The following SULF1 variants were observed in gnomAD, a reference collection of about 807,000 sequenced individuals.
SULF1 encodes sulfatase 1.
A neutral mutation model predicts 110.5 loss-of-function variants in SULF1; 46 were observed. The ratio of observed to expected loss-of-function variants is 0.42; its 90% CI spans 0.33 to 0.53. SULF1 has a LOEUF of 0.53. SULF1 is among the 20% of genes least tolerant of loss of function. The pLI, the probability that SULF1 is intolerant of heterozygous loss-of-function variation, is 0.12. For missense variants in SULF1, 941 were observed against 1,094.2 expected, an observed-to-expected ratio of 0.86 and a Z score of 1.98; for synonymous variants, 371 against 387.1, an observed-to-expected ratio of 0.96 and a Z score of 0.49.
chr8:69,623,894 T>G, intron 14 of SULF1, 48 bp from the exon 15 acceptor site: 1 of 1,569,514 alleles, frequency 6.4e-7, no homozygotes, highest in East Asian at 2.2e-5. Flanking sequence ...TCTTCCCTTG[T>G]AAGCTACATC....
intron 8 of SULF1, among the ~76,000 whole-genome samples, chr8:69,592,594 G>T (rs1265279492): frequency 6.6e-6 from 1 of 152,158 alleles, no homozygotes; most frequent in Admixed American, 6.5e-5. Context: ...TGTCTCATCT[G>T]TAAAATGGAG....
intron 5 of SULF1, among the ~76,000 whole-genome samples, chr8:69,566,345 T>G (rs950347063): frequency 5.3e-5 from 8 of 152,344 alleles, no homozygotes; most frequent in Middle Eastern, 6.8e-3. Flanking sequence ...CATAACTTTC[T>G]TTTTTAACAG....
chr8:69,516,978 C>G (rs1305531920), intron 3 of SULF1, among the ~76,000 whole-genome samples: 2 of 152,166 alleles, frequency 1.3e-5, no homozygotes, highest in Non-Finnish European at 2.9e-5. Context: ...CTGTGCTTAT[C>G]TCTCCTTTAC....
intron 3 of SULF1, among the ~76,000 whole-genome samples, chr8:69,519,234 A>G (rs1377741827): frequency 1.3e-5 from 2 of 152,122 alleles, no homozygotes; most frequent in African/African-American, 4.8e-5. Context: ...AGGCAGTGAG[A>G]CCCTTCAAGG....
At chr8:69,640,978 C>A in intron 22 of SULF1, 137 bp downstream of exon 22, 1 of 664,564 alleles carries the variant, frequency 1.5e-6, no homozygotes, top group Non-Finnish European at 2.4e-6. Flanking sequence ...ACAGCATTCT[C>A]CACTATGTTT....
At chr8:69,611,423 T>C (rs912043679) in intron 13 of SULF1, among the ~76,000 whole-genome samples, 2 of 152,174 alleles carry the variant, frequency 1.3e-5, no homozygotes, top group Admixed American at 6.5e-5. Context: ...TTTTCTGTTT[T>C]CCGTCCCCCT....
chr8:69,602,724 A>G (rs1396189524), intron 10 of SULF1, among the ~76,000 whole-genome samples: 2 of 152,218 alleles, frequency 1.3e-5, no homozygotes, highest in Non-Finnish European at 2.9e-5. Flanking sequence ...GCTTCCTAAG[A>G]TTATTAGAAA....
chr8:69,482,574 CTGTT>C (rs1033979945), intron 1 of SULF1, among the ~76,000 whole-genome samples: 6 of 151,618 alleles, frequency 4.0e-5, no homozygotes, highest in Non-Finnish European at 8.8e-5. Flanking sequence ...TATAAAATCT[CTGTT>C]TGTATATATA....
At chr8:69,640,881 C>G in intron 22 of SULF1, 40 bp downstream of exon 22, 1 of 1,589,988 alleles carries the variant, frequency 6.3e-7, no homozygotes, top group South Asian at 1.1e-5. Context: ...GCTTCTTCCC[C>G]AATAATTGCA....
intron 22 of SULF1, among the ~76,000 whole-genome samples, chr8:69,651,947 G>A (rs1437447403): frequency 2.0e-5 from 3 of 152,144 alleles, no homozygotes; most frequent in African/African-American, 7.2e-5. Flanking sequence ...AATTCGAAAT[G>A]AATCTTACTG....
intron 13 of SULF1, among the ~76,000 whole-genome samples, chr8:69,612,324 T>C (rs532561132): frequency 3.9e-5 from 6 of 152,230 alleles, no homozygotes; most frequent in Non-Finnish European, 8.8e-5. Flanking sequence ...CCTATGCATG[T>C]GTCCTTTTCA....
rs182701177 is a variant in SULF1, at chr8:69,471,851, A to G, written c.-391+4901A>G. Among the ~76,000 whole-genome samples the G allele has an allele frequency of 3.0e-3, 462 of 152,354 alleles. 2 individuals carry two copies. The highest frequency in any genetic ancestry group is 3.7e-3 in the Non-Finnish European group (255 of 68,036). Reference sequence around the variant, plus strand: ...AGAGGGTTGATTGGTGCATATGTAGATCCAGACCTAGGATGCAGGAATGAC... The same window carrying G: ...AGAGGGTTGATTGGTGCATATGTAGGTCCAGACCTAGGATGCAGGAATGAC... On this transcript the variant is annotated intron_variant, in intron 1 of 22. Coordinates refer to the SULF1 transcript ENST00000260128.
intron 3 of SULF1, among the ~76,000 whole-genome samples, chr8:69,553,791 T>C (rs978293440): frequency 6.6e-6 from 1 of 152,248 alleles, no homozygotes; most frequent in Non-Finnish European, 1.5e-5. Flanking sequence ...TTTTTGTTTT[T>C]CCTTAATTAA....
intron 9 of SULF1, 39 bp downstream of exon 9, chr8:69,600,792 C>T (rs1438344600): frequency 2.5e-6 from 4 of 1,597,334 alleles, no homozygotes; most frequent in Non-Finnish European, 3.4e-6. Flanking sequence ...GTTTTTGGCC[C>T]AGCTTCCTTT....
intron 3 of SULF1, among the ~76,000 whole-genome samples, chr8:69,546,784 T>G (rs1170020139): frequency 6.6e-6 from 1 of 152,232 alleles, no homozygotes; most frequent in Non-Finnish European, 1.5e-5. Flanking sequence ...ATCATAATGT[T>G]GCTAAAATTA....
intron 8 of SULF1, among the ~76,000 whole-genome samples, chr8:69,594,912 G>A (rs1807190152): frequency 6.6e-6 from 1 of 152,148 alleles, no homozygotes; most frequent in Non-Finnish European, 1.5e-5. Flanking sequence ...GAGTTTTGCA[G>A]GTAGCTTTGT....
At chr8:69,515,546 C>T (rs556139011) in intron 3 of SULF1, among the ~76,000 whole-genome samples, 8 of 152,304 alleles carry the variant, frequency 5.3e-5, no homozygotes, top group East Asian at 1.9e-4. Context: ...TTTTCCCCAT[C>T]GTCTTGGCTA....
intron 3 of SULF1, among the ~76,000 whole-genome samples, chr8:69,554,331 G>A (rs1488795077): frequency 6.6e-6 from 1 of 152,146 alleles, no homozygotes; most frequent in Non-Finnish European, 1.5e-5. Context: ...TGCCTTAAAT[G>A]TCCCTGGACC....
At chr8:69,484,969 T>C (rs1187238448) in intron 1 of SULF1, among the ~76,000 whole-genome samples, 1 of 152,074 alleles carries the variant, frequency 6.6e-6, no homozygotes, top group African/African-American at 2.4e-5. Flanking sequence ...CTCCTGAGTA[T>C]CTGGGACTAC....
Sources: gnomAD v4.1 joint callset for allele counts (sites outside exome capture counted in the v4.1 genomes callset) on GRCh38, gnomAD v4.1.1 for gene constraint, MANE v1.5 for transcripts, NCBI Gene and HGNC (gene_info 2026-07-23, HGNC 2026-07-21) for gene names.